Variants in CPNE8 observed in about 807,000 individuals in gnomAD.
CPNE8 encodes the protein copine 8.
In CPNE8, 45 loss-of-function variants were observed where a neutral mutation model predicts 81.5. That is an observed-to-expected ratio of 0.55 (90% CI 0.44 to 0.71). The LOEUF is 0.71. Among genes scored for constraint, CPNE8 ranks in the 30% least tolerant of loss-of-function variants. CPNE8 has a pLI of 0.00. For missense variants in CPNE8, 594 were observed against 672.1 expected (o/e 0.88, Z 1.28); for synonymous variants, 252 against 226.3 (o/e 1.11, Z -1.02).
At chr12:38,799,841 C>T (rs1033395543) in intron 6 of CPNE8, among the ~76,000 whole-genome samples, 1 of 150,022 alleles carries the variant, frequency 6.7e-6, no homozygotes, top group African/African-American at 2.4e-5. Flanking sequence ...ATTGCCTCAC[C>T]TGGGAAGCGC....
At chr12:38,727,279 G>A (rs139282957) in intron 11 of CPNE8, among the ~76,000 whole-genome samples, 19 of 152,214 alleles carry the variant, frequency 1.2e-4, no homozygotes, top group East Asian at 1.2e-3. Context: ...ATTGAAAACC[G>A]TCAGCCTAGC....
Position 38,653,725 on chromosome 12 carries a change from T to TA in CPNE8, c.*156dup. 8.7e-7 allele frequency: 1 copy of TA among 1,143,104 alleles called. No individual in the cohort carries two copies. The highest frequency in any genetic ancestry group is 3.1e-5 in the East Asian group (1 of 32,286). The allele number at this position is 1,143,104 out of a possible 1,614,324, so 70.8% of individuals were successfully genotyped here. A position where few individuals can be genotyped will look rare whatever the true frequency, so the allele number is the denominator to read the frequency against. On this transcript the variant is annotated 3_prime_UTR_variant, in exon 20 of 20. Coordinates refer to ENST00000331366, the MANE Select transcript of CPNE8 (RefSeq NM_153634.3). ...AACAACCATATTTACAGTTTTGGTT[T>TA]AGGAAGATATTTAAATTTGGATCCA...
intron 6 of CPNE8, among the ~76,000 whole-genome samples, chr12:38,809,977 G>A (rs1257975010): frequency 1.3e-5 from 2 of 152,176 alleles, no homozygotes; most frequent in Non-Finnish European, 2.9e-5. Context: ...AAATCCAGCT[G>A]AGCAAACTCT....
chr12:38,874,352 G>C (rs1456945873), intron 2 of CPNE8, 119 bp downstream of exon 2: 1 of 719,412 alleles, frequency 1.4e-6, no homozygotes, highest in Non-Finnish European at 2.5e-6. Flanking sequence ...TGTAGGGCTT[G>C]GGACCATTCT....
chr12:38,805,732 G>A (rs371192650), intron 6 of CPNE8, among the ~76,000 whole-genome samples: 4 of 138,978 alleles, frequency 2.9e-5, no homozygotes, highest in African/African-American at 1.1e-4. Flanking sequence ...AAAGCTAGCA[G>A]AAGGCAAGAA....
chr12:38,796,574 G>A (rs549840805), intron 6 of CPNE8, among the ~76,000 whole-genome samples: 1 of 152,270 alleles, frequency 6.6e-6, no homozygotes, highest in South Asian at 2.1e-4. Context: ...AGCCAAGATG[G>A]CCGAATAGGA....
chr12:38,852,255 C>T (rs1943657919), intron 3 of CPNE8, among the ~76,000 whole-genome samples: 1 of 151,970 alleles, frequency 6.6e-6, no homozygotes, highest in East Asian at 1.9e-4. Flanking sequence ...TGGAGAAACC[C>T]CGTCTCTACT....
At chr12:38,813,842 G>C (rs971963553) in intron 6 of CPNE8, among the ~76,000 whole-genome samples, 3 of 152,222 alleles carry the variant, frequency 2.0e-5, no homozygotes, top group African/African-American at 2.4e-5. Context: ...ACCTCAGAGA[G>C]ATGGTGTCAT....
chr12:38,824,975 T>A (rs1040534423), intron 6 of CPNE8, among the ~76,000 whole-genome samples: 2 of 152,154 alleles, frequency 1.3e-5, no homozygotes, highest in African/African-American at 4.8e-5. Flanking sequence ...TGTCCTACAA[T>A]GTTATCTTTA....
chr12:38,853,127 T>A (rs954626705), intron 3 of CPNE8, among the ~76,000 whole-genome samples: 9 of 152,202 alleles, frequency 5.9e-5, no homozygotes, highest in African/African-American at 2.2e-4. Flanking sequence ...TCCTGGATGC[T>A]GGAATGTATT....
intron 19 of CPNE8, among the ~76,000 whole-genome samples, chr12:38,654,552 TAGCTATA>T (rs1408680085): frequency 6.8e-6 from 1 of 146,398 alleles, no homozygotes; most frequent in African/African-American, 2.5e-5. Context: ...ACACTACAAA[TAGCTATA>T]AGTGACTAAA....
intron 1 of CPNE8, among the ~76,000 whole-genome samples, chr12:38,891,506 G>A (rs1316948220): frequency 6.6e-6 from 1 of 151,110 alleles, no homozygotes; most frequent in Non-Finnish European, 1.5e-5. Flanking sequence ...GGAATGCAAT[G>A]GCACGATCTC....
At chr12:38,779,953 G>A (rs1276991278) in intron 6 of CPNE8, among the ~76,000 whole-genome samples, 1 of 152,052 alleles carries the variant, frequency 6.6e-6, no homozygotes, top group Non-Finnish European at 1.5e-5. Context: ...AACAGAATAG[G>A]GAGCCCAGAA....
intron 19 of CPNE8, among the ~76,000 whole-genome samples, chr12:38,659,782 T>A (rs916220200): frequency 6.6e-6 from 1 of 151,978 alleles, no homozygotes; most frequent in East Asian, 1.9e-4. Context: ...CTGAACAATC[T>A]GCTCAATGTG....
At chr12:38,896,837 A>T (rs1592162653) in intron 1 of CPNE8, among the ~76,000 whole-genome samples, 2 of 152,092 alleles carry the variant, frequency 1.3e-5, no homozygotes, top group South Asian at 4.1e-4. Context: ...GTGGCTCCCC[A>T]AATTGACTAT....
intron 5 of CPNE8, among the ~76,000 whole-genome samples, chr12:38,831,660 C>T (rs1943287466): frequency 6.6e-6 from 1 of 152,286 alleles, no homozygotes; most frequent in South Asian, 2.1e-4. Context: ...TTAAATTAAA[C>T]ACCTTTCATA....
chr12:38,797,201 T>C (rs1204757532), intron 6 of CPNE8, among the ~76,000 whole-genome samples: 2 of 152,132 alleles, frequency 1.3e-5, no homozygotes, highest in African/African-American at 4.8e-5. Context: ...GCAGTGGTTC[T>C]CCCAGCACTC....
intron 6 of CPNE8, among the ~76,000 whole-genome samples, chr12:38,827,788 A>C (rs1943222513): frequency 6.6e-6 from 1 of 152,140 alleles, no homozygotes; most frequent in Admixed American, 6.5e-5. Flanking sequence ...ATGGACACAA[A>C]GAAGGAAACA....
chr12:38,691,520 C>T (rs187945035), intron 15 of CPNE8, among the ~76,000 whole-genome samples: 101 of 152,146 alleles, frequency 6.6e-4, no homozygotes, highest in African/African-American at 2.3e-3. Context: ...AACAAAAGTG[C>T]TTTGAAAATT....
Sources: gnomAD v4.1 joint callset for allele counts (sites outside exome capture counted in the v4.1 genomes callset) on GRCh38, gnomAD v4.1.1 for gene constraint, MANE v1.5 for transcripts, NCBI Gene and HGNC (gene_info 2026-07-23, HGNC 2026-07-21) for gene names.